DGKB: variants seen among roughly 807,000 people sequenced by gnomAD.
DGKB encodes the protein diacylglycerol kinase beta.
DGKB carries 67 observed loss-of-function variants against 114.3 expected under a neutral mutation model. The observed-to-expected ratio is 0.59, with a 90% CI of 0.48 to 0.72. The LOEUF (loss-of-function observed/expected upper bound fraction) is 0.72, where lower values mean the gene tolerates loss of function less well. Among genes scored for constraint, DGKB ranks in the 30% least tolerant of loss-of-function variants. The pLI is 0.00. For missense variants in DGKB, 907 were observed against 975.2 expected (o/e 0.93, Z 0.93); for synonymous variants, 398 against 323.1 (o/e 1.23, Z -2.49).
chr7:14,205,099 C>T (rs1367089399), intron 23 of DGKB, among the ~76,000 whole-genome samples: 1 of 151,866 alleles, frequency 6.6e-6, no homozygotes, highest in Admixed American at 6.6e-5. Context: ...TGTATAACAG[C>T]TAGGAAAATG....
At chr7:14,516,767 T>G (rs1788859628) in intron 20 of DGKB, among the ~76,000 whole-genome samples, 1 of 152,054 alleles carries the variant, frequency 6.6e-6, no homozygotes, top group Non-Finnish European at 1.5e-5. Context: ...ATCAAGGAGC[T>G]TTTAGGCAGA....
chr7:14,172,877 T>G (rs1226041250), intron 25 of DGKB, among the ~76,000 whole-genome samples: 4 of 152,288 alleles, frequency 2.6e-5, no homozygotes, highest in African/African-American at 9.6e-5. Context: ...CTGCTCTTTC[T>G]TCTTCCCATT....
intron 23 of DGKB, among the ~76,000 whole-genome samples, chr7:14,327,837 C>A (rs961861919): frequency 2.6e-5 from 4 of 152,056 alleles, no homozygotes; most frequent in African/African-American, 7.2e-5. Context: ...AAAGCCATCA[C>A]TGATTAATAC....
At chr7:14,345,636 G>A (rs1422315231) in intron 21 of DGKB, among the ~76,000 whole-genome samples, 4 of 151,502 alleles carry the variant, frequency 2.6e-5, no homozygotes, top group African/African-American at 9.7e-5. Context: ...GTTTTTTGTG[G>A]GTTCATCACA....
At chr7:14,530,922 C>G (rs930568477) in intron 20 of DGKB, among the ~76,000 whole-genome samples, 47 of 151,314 alleles carry the variant, frequency 3.1e-4, no homozygotes, top group African/African-American at 1.1e-3. Context: ...AGAATATATA[C>G]AATGTAATCA....
Position 14,679,077 on chromosome 7 carries a change from T to G in DGKB, c.1035+3476A>C, listed in dbSNP as rs553974346. 3.3e-5 allele frequency among the ~76,000 whole-genome samples: 5 copies of G among 152,068 alleles called. No individual in the cohort carries two copies. The East Asian group carries it at 9.7e-4, about 30-fold the overall frequency. On this transcript the variant is annotated intron_variant, in intron 12 of 25. Coordinates refer to ENST00000402815, the MANE Select transcript of DGKB (RefSeq NM_001350709.2). Reference sequence around the variant, plus strand: ...AGATTCAGGACCACAGGATTCTGGATGTTTTTTTGAGTGCATGCAGGTGCT... The same window carrying G: ...AGATTCAGGACCACAGGATTCTGGAGGTTTTTTTGAGTGCATGCAGGTGCT...
chr7:14,249,646 CTT>C (rs1317393241), intron 23 of DGKB, among the ~76,000 whole-genome samples: 1 of 152,072 alleles, frequency 6.6e-6, no homozygotes, highest in Admixed American at 6.5e-5. Context: ...ATTATAGCCT[CTT>C]ATGATCCTTT....
chr7:14,933,353 A>G (rs1186985639), intron 1 of DGKB, among the ~76,000 whole-genome samples: 2 of 152,174 alleles, frequency 1.3e-5, no homozygotes, highest in African/African-American at 4.8e-5. Flanking sequence ...GGATCTATCA[A>G]TCCTTCAGTT....
intron 20 of DGKB, among the ~76,000 whole-genome samples, chr7:14,516,568 T>C (rs1788827273): frequency 6.6e-6 from 1 of 152,164 alleles, no homozygotes; most frequent in Non-Finnish European, 1.5e-5. Context: ...CTGCTTCAGT[T>C]CAACACTGCC....
intron 13 of DGKB, among the ~76,000 whole-genome samples, chr7:14,651,348 G>T (rs1032150187): frequency 4.9e-4 from 74 of 151,244 alleles, no homozygotes; most frequent in Admixed American, 7.9e-4. Context: ...TTCAATACAC[G>T]CAAATCAATA....
intron 23 of DGKB, among the ~76,000 whole-genome samples, chr7:14,250,134 T>C (rs2884320): frequency 1.7e-4 from 8 of 48,014 alleles, no homozygotes; most frequent in Non-Finnish European, 3.4e-4. Context: ...ATATATATAT[T>C]TTTTTTTTTT....
chr7:14,876,244 A>G (rs545511214), intron 1 of DGKB, among the ~76,000 whole-genome samples: 1 of 152,336 alleles, frequency 6.6e-6, no homozygotes, highest in South Asian at 2.1e-4. Context: ...CCCCTTTTAA[A>G]AAAATTTCTG....
At chr7:14,678,478 A>G (rs2128960774) in intron 12 of DGKB, among the ~76,000 whole-genome samples, 1 of 152,166 alleles carries the variant, frequency 6.6e-6, no homozygotes, top group South Asian at 2.1e-4. Context: ...GGCATGAGGG[A>G]AACATGGCCT....
intron 23 of DGKB, among the ~76,000 whole-genome samples, chr7:14,284,082 A>C (rs1800420159): frequency 6.6e-6 from 1 of 152,174 alleles, no homozygotes. Context: ...CAGGCAACCT[A>C]CAAAATGGGA....
chr7:14,806,759 A>G (rs1337336121), intron 2 of DGKB, among the ~76,000 whole-genome samples: 1 of 152,036 alleles, frequency 6.6e-6, no homozygotes, highest in Non-Finnish European at 1.5e-5. Context: ...CTGATAACAT[A>G]TAAATTTCCT....
At chr7:14,576,674 CAACAT>C (rs1200712893) in intron 19 of DGKB, among the ~76,000 whole-genome samples, 3 of 151,976 alleles carry the variant, frequency 2.0e-5, no homozygotes, top group Admixed American at 6.6e-5. Flanking sequence ...CAGCACCGTC[CAACAT>C]AACACTGGAA....
chr7:14,722,021 T>C (rs1387951548), intron 5 of DGKB, among the ~76,000 whole-genome samples: 1 of 152,200 alleles, frequency 6.6e-6, no homozygotes, highest in Non-Finnish European at 1.5e-5. Context: ...ATAAAGTTAT[T>C]ACCCACTACA....
intron 23 of DGKB, among the ~76,000 whole-genome samples, chr7:14,233,371 G>A (rs957344994): frequency 6.6e-6 from 1 of 151,994 alleles, no homozygotes; most frequent in African/African-American, 2.4e-5. Context: ...GAGGATGTTC[G>A]TATTTGCTAC....
chr7:14,620,091 T>A (rs1807323745), intron 15 of DGKB, among the ~76,000 whole-genome samples: 1 of 151,608 alleles, frequency 6.6e-6, no homozygotes, highest in Non-Finnish European at 1.5e-5. Context: ...ATTAATTTTT[T>A]TGCTAATAAA....
Sources: gnomAD v4.1 joint callset for allele counts (sites outside exome capture counted in the v4.1 genomes callset) on GRCh38, gnomAD v4.1.1 for gene constraint, MANE v1.5 for transcripts, NCBI Gene and HGNC (gene_info 2026-07-23, HGNC 2026-07-21) for gene names.